The following TLE4 variants were observed in gnomAD, a reference collection of about 807,000 sequenced individuals.
TLE4 encodes TLE family member 4, transcriptional corepressor.
Under a neutral mutation model 92.8 loss-of-function variants are expected in TLE4, and 8 were observed. The observed-to-expected ratio is 0.09, with a 90% CI of 0.05 to 0.16. The LOEUF (loss-of-function observed/expected upper bound fraction) is 0.16, where lower values mean the gene tolerates loss of function less well. TLE4 is among the 10% of genes least tolerant of loss of function. TLE4 has a pLI of 1.00. For missense variants in TLE4, 675 were observed against 997.6 expected, an observed-to-expected ratio of 0.68 and a Z score of 4.36; for synonymous variants, 371 against 374.1, an observed-to-expected ratio of 0.99 and a Z score of 0.10.
chr9:79,573,156 C>T (rs888748110), intron 1 of TLE4: 1 of 833,846 alleles, frequency 1.2e-6, no homozygotes, highest in Non-Finnish European at 1.5e-6. Context: ...AGGCGCGACT[C>T]CGCGCCCGGG....
chr9:79,649,604 G>A, intron 6 of TLE4: 1 of 235,180 alleles, frequency 4.3e-6, no homozygotes, highest in Non-Finnish European at 8.5e-6. Context: ...TGTGCAGGTG[G>A]AGAGGCTGGC....
chr9:79,715,662 A>G (rs1053867319), intron 14 of TLE4, among the ~76,000 whole-genome samples: 20 of 152,002 alleles, frequency 1.3e-4, no homozygotes, highest in Non-Finnish European at 2.9e-5. Flanking sequence ...GTATTTCCCC[A>G]GTGTATTAAA....
rs2036727832 is a variant in TLE4 at position 79,573,799 on chromosome 9, A to C, written c.143+13A>C. ...CTCAATACCACAGGTAACGATATTG[A>C]CTTTAGCTGATCCTTCTGTTTGCTT... On this transcript the variant is annotated intron_variant, in intron 2 of 19. Transcript: ENST00000376552. 6.5e-7 allele frequency: 1 copy of C among 1,541,498 alleles called. No homozygotes were observed. The highest frequency in any genetic ancestry group is 1.4e-5 in the African/African-American group (1 of 73,828).
At chr9:79,581,701 C>T (rs2039717105) in intron 4 of TLE4, among the ~76,000 whole-genome samples, 3 of 152,180 alleles carry the variant, frequency 2.0e-5, no homozygotes, top group Admixed American at 6.5e-5. Context: ...TTGGTGGATT[C>T]AGGACTTCAA....
At chr9:79,572,976 C>T in intron 1 of TLE4, 141 bp downstream of exon 1, 1 of 836,856 alleles carries the variant, frequency 1.2e-6, no homozygotes, top group South Asian at 1.9e-5. Flanking sequence ...GAGCAGCCCG[C>T]CCGCCATCAC....
At chr9:79,706,942 A>G (rs761902780) in intron 11 of TLE4, 43 bp downstream of exon 11, 1 of 1,591,342 alleles carries the variant, frequency 6.3e-7, no homozygotes, top group Non-Finnish European at 8.5e-7. Context: ...GCCTCTGCCA[A>G]TTTGATGTTT....
intron 11 of TLE4, among the ~76,000 whole-genome samples, chr9:79,707,424 T>C (rs1398258396): frequency 6.6e-6 from 1 of 152,228 alleles, no homozygotes; most frequent in Non-Finnish European, 1.5e-5. Context: ...TATTCTTCTG[T>C]GGCTGTGTAG....
Position 79,573,696 on chromosome 9 carries a change from A to G in TLE4, c.53A>G (p.His18Arg). 2.5e-6 allele frequency: 4 copies of G among 1,601,494 alleles called. No homozygotes were observed. Among genetic ancestry groups the G allele is most frequent in the Non-Finnish European group, 2.6e-6 (3 of 1,170,856 alleles). The change falls in exon 2 of 20, where the codon CAT (histidine) becomes CGT (arginine). Residue 18 changes from histidine to arginine, a missense_variant. Physicochemically the swap from His to Arg is conservative, Grantham distance 29 (BLOSUM62 0). Coordinates refer to ENST00000376552, the MANE Select transcript of TLE4 (RefSeq NM_007005.6). ...TTTATTGTTGTTCTTCAGGCACCGC[A>G]TCAGCCTGCTCAACCCTTTAAATTT... is the stretch of plus-strand genomic sequence containing the variant. ...MYPQTRHPAPHQPAQPFKFTI... is the reference protein window; with the variant it reads ...MYPQTRHPAPRQPAQPFKFTI...
In TLE4 at chr9:79,725,197, T is replaced by A; in HGVS notation, c.*53T>A. ...CTCCTCCTGGTAGCACTTTGCTCTG[T>A]CATCCTTTTTGTTCACCCCCATCCC... On this transcript the variant is annotated 3_prime_UTR_variant, in exon 20 of 20. Coordinates refer to ENST00000376552, the MANE Select transcript of TLE4 (RefSeq NM_007005.6). 7.3e-7 allele frequency: 1 copy of A among 1,371,086 alleles called. No individual in the cohort carries two copies. The allele number at this position is 1,371,086 out of a possible 1,614,324, so 84.9% of individuals were successfully genotyped here.
intron 8 of TLE4, among the ~76,000 whole-genome samples, chr9:79,687,827 G>A (rs2135451408): frequency 6.6e-6 from 1 of 152,282 alleles, no homozygotes; most frequent in African/African-American, 2.4e-5. Flanking sequence ...CGTCCCCTAG[G>A]ATTCAAGTTT....
chr9:79,606,403 G>A (rs145631344), intron 4 of TLE4, among the ~76,000 whole-genome samples: 105 of 130,604 alleles, frequency 8.0e-4, no homozygotes, highest in African/African-American at 2.9e-3. Context: ...TACTTTTTAA[G>A]TTCTAGGGTG....
chr9:79,712,063 C>T (rs2073429853), intron 14 of TLE4, among the ~76,000 whole-genome samples: 1 of 152,148 alleles, frequency 6.6e-6, no homozygotes, highest in South Asian at 2.1e-4. Flanking sequence ...GGGATGGCCC[C>T]TCCTCAACAA....
At position 79,725,230 on chromosome 9, in the gene TLE4, A is replaced by G. The variant is rs2076279352; in HGVS notation, c.*86A>G. 1 of 897,208 alleles carries G rather than the reference A, an allele frequency of 1.1e-6. No individual in the cohort carries two copies. The highest frequency in any genetic ancestry group is 1.5e-5 in the South Asian group (1 of 67,308). 55.6% of individuals were successfully genotyped at this position (897,208 alleles called of 1,614,324 possible). A position where few individuals can be genotyped will look rare whatever the true frequency, so the allele number is the denominator to read the frequency against. ...TTTGTTCACCCCCATCCCCGCATCTAAAACCAAGGATTTCAGATACTCATT... is the reference window on the plus strand; with the variant it reads ...TTTGTTCACCCCCATCCCCGCATCTGAAACCAAGGATTTCAGATACTCATT... On this transcript the variant is annotated 3_prime_UTR_variant, in exon 20 of 20. Coordinates refer to ENST00000376552, the MANE Select transcript of TLE4 (RefSeq NM_007005.6).
intron 8 of TLE4, among the ~76,000 whole-genome samples, chr9:79,667,782 T>C (rs12342140): frequency 0.21 from 31,474 of 152,102 alleles, 4,151 homozygotes; most frequent in African/African-American, 0.37. Context: ...AAAGATTGGA[T>C]GCTAGTGAAA....
chr9:79,678,058 T>G (rs1025403268), intron 8 of TLE4, among the ~76,000 whole-genome samples: 7 of 152,164 alleles, frequency 4.6e-5, no homozygotes, highest in Non-Finnish European at 1.0e-4. Flanking sequence ...GTACGCTGTT[T>G]TATACGTATG....
At position 79,608,251 on chromosome 9, in the gene TLE4, A is replaced by AT. The variant is rs2047556853; in HGVS notation, c.253-4401dup. Among the ~76,000 whole-genome samples, 3 of 152,052 alleles carry AT rather than the reference A, an allele frequency of 2.0e-5. No individual in the cohort carries two copies. The South Asian group carries it at 6.2e-4, about 31-fold the overall frequency. ...AAATTTTTCCTTATATTTAGTCTGG[A>AT]TTTTAAGTTAGAATTTCTCATTAGT... On this transcript the variant is annotated intron_variant, in intron 4 of 19. Coordinates refer to ENST00000376552, the MANE Select transcript of TLE4 (RefSeq NM_007005.6).
At chr9:79,576,852 C>T (rs2037961701) in intron 4 of TLE4, 1 of 151,260 alleles carries the variant, frequency 6.6e-6, no homozygotes, top group Non-Finnish European at 1.5e-5. Flanking sequence ...AGAGATACGA[C>T]TCAAACAGTC....
intron 4 of TLE4, among the ~76,000 whole-genome samples, chr9:79,600,506 T>A (rs1177299582): frequency 1.3e-5 from 2 of 152,184 alleles, no homozygotes; most frequent in Non-Finnish European, 2.9e-5. Context: ...GACAAGGAAT[T>A]AATTTCAGTA....
chr9:79,594,036 C>G (rs1442984008), intron 4 of TLE4, among the ~76,000 whole-genome samples: 2 of 152,156 alleles, frequency 1.3e-5, no homozygotes, highest in Non-Finnish European at 2.9e-5. Flanking sequence ...TGGATTTTTA[C>G]TTTTTATAAC....
Sources: allele counts gnomAD v4.1 joint callset (sites outside exome capture counted in the v4.1 genomes callset), GRCh38; gene constraint gnomAD v4.1.1; transcripts MANE v1.5; gene names NCBI Gene and HGNC (gene_info 2026-07-23, HGNC 2026-07-21).